MAP3K7: variants seen among roughly 807,000 people sequenced by gnomAD.
MAP3K7 encodes the protein TGF-beta activated kinase 1.
In MAP3K7, 21 loss-of-function variants were observed where a neutral mutation model predicts 84.8. That is an observed-to-expected ratio of 0.25 (90% CI 0.18 to 0.36). The LOEUF (loss-of-function observed/expected upper bound fraction) is 0.36. Among genes scored for constraint, MAP3K7 ranks in the 10% least tolerant of loss-of-function variants. MAP3K7 has a pLI of 1.00. For missense variants in MAP3K7, 503 were observed against 747.7 expected, an observed-to-expected ratio of 0.67 and a Z score of 3.82; for synonymous variants, 241 against 247.7, an observed-to-expected ratio of 0.97 and a Z score of 0.25.
At chr6:90,533,002 T>C (rs1465036581) in intron 13 of MAP3K7, among the ~76,000 whole-genome samples, 4 of 152,300 alleles carry the variant, frequency 2.6e-5, no homozygotes, top group South Asian at 2.1e-4. Flanking sequence ...AACCTGGTTA[T>C]AGGAATTACT....
chr6:90,518,413 G>C, intron 16 of MAP3K7, 34 bp downstream of exon 16: 1 of 1,103,472 alleles, frequency 9.1e-7, no homozygotes, highest in East Asian at 2.6e-5. Flanking sequence ...AAATACTAAT[G>C]TATTTTTATT....
chr6:90,560,012 C>T (rs765379108), intron 5 of MAP3K7, 64 bp downstream of exon 5: 106 of 1,579,922 alleles, frequency 6.7e-5, no homozygotes, highest in Non-Finnish European at 7.9e-5. Flanking sequence ...AGAGTGGGTT[C>T]GGGGTGGTGA....
intron 1 of MAP3K7, among the ~76,000 whole-genome samples, chr6:90,572,971 C>A (rs1444598250): frequency 6.6e-6 from 1 of 152,112 alleles, no homozygotes; most frequent in Non-Finnish European, 1.5e-5. Flanking sequence ...GTATCAAGGC[C>A]TTTTTCTTTA....
intron 1 of MAP3K7, among the ~76,000 whole-genome samples, chr6:90,582,990 C>T (rs550639646): frequency 6.7e-6 from 1 of 148,902 alleles, no homozygotes; most frequent in African/African-American, 2.5e-5. Flanking sequence ...TCAAACGATT[C>T]TCATGCCTCA....
chr6:90,568,482 A>G (rs756057510), intron 3 of MAP3K7, 76 bp downstream of exon 3: 45 of 1,280,222 alleles, frequency 3.5e-5, no homozygotes, highest in Admixed American at 1.3e-4. Context: ...AAAACCCAAA[A>G]ATAGCTACAT....
chr6:90,559,411 G>C (rs1388418739), intron 5 of MAP3K7, among the ~76,000 whole-genome samples: 1 of 151,864 alleles, frequency 6.6e-6, no homozygotes, highest in African/African-American at 2.4e-5. Flanking sequence ...GATACGTGGA[G>C]ACTATTTTTA....
chr6:90,561,687 GA>G lies in MAP3K7; in HGVS notation c.298-21del, dbSNP rs1776520161. 2.5e-6 allele frequency: 4 copies of G among 1,595,732 alleles called. No homozygotes were observed. In the South Asian group the frequency reaches 4.4e-5, roughly 18 times the overall value. Reference sequence around the variant, plus strand: ...ACACACCTAAAGGAAACATATATCAGAAGCATTAACCAAGAAGCTCCATCAT... The same window carrying G: ...ACACACCTAAAGGAAACATATATCAGAGCATTAACCAAGAAGCTCCATCAT... On this transcript the variant is annotated intron_variant, in intron 3 of 16. Coordinates refer to ENST00000369329, the MANE Select transcript of MAP3K7 (RefSeq NM_145331.3).
At chr6:90,520,953 T>G (rs1236466075) in intron 14 of MAP3K7, among the ~76,000 whole-genome samples, 1 of 152,142 alleles carries the variant, frequency 6.6e-6, no homozygotes, top group African/African-American at 2.4e-5. Flanking sequence ...CTTAAATCAC[T>G]GATACATTAT....
Position 90,518,501 on chromosome 6 carries a change from A to G in MAP3K7, c.1586T>C (p.Met529Thr). The G allele has an allele frequency of 6.2e-7, 1 of 1,609,436 alleles. No homozygotes were observed. Among genetic ancestry groups the G allele is most frequent in the Non-Finnish European group, 8.5e-7 (1 of 1,177,248 alleles). ...SMAVFEQHCK[M>T]AQEYMKVQTE... Reference sequence around the variant, plus strand: ...TTGAACTTTCATATATTCTTGTGCCATTTTACAATGCTGTTCAAACACTGC... The same window carrying G: ...TTGAACTTTCATATATTCTTGTGCCGTTTTACAATGCTGTTCAAACACTGC... The change falls in exon 16 of 17, where the codon ATG (methionine) becomes ACG (threonine). Residue 529 changes from methionine (M) to threonine (T), a missense_variant. This residue lies in a region of MAP3K7 where 36 missense variants were observed against 74.5 expected (regional missense o/e 0.48). Transcript: ENST00000369329.
chr6:90,560,011 T>G, intron 5 of MAP3K7, 65 bp downstream of exon 5: 1 of 1,579,792 alleles, frequency 6.3e-7, no homozygotes, highest in Non-Finnish European at 8.7e-7. Context: ...GAGAGTGGGT[T>G]CGGGGTGGTG....
At chr6:90,526,266 CT>C (rs1337517145) in intron 13 of MAP3K7, among the ~76,000 whole-genome samples, 1 of 152,160 alleles carries the variant, frequency 6.6e-6, no homozygotes, top group African/African-American at 2.4e-5. Flanking sequence ...ACATAAGTGA[CT>C]TTACGCCTAG....
Position 90,519,269 on chromosome 6 carries a change from G to T in MAP3K7, c.1513C>A (p.His505Asn). The change falls in exon 15 of 17, where the codon CAC becomes AAC. Residue 505 changes from histidine (H) to asparagine (N), a missense_variant. Physicochemically the swap from His to Asn is moderately conservative, Grantham distance 68 (BLOSUM62 1). Transcript: ENST00000369329. ...AAGTACTCCTTTACCTGTAGTTGGTGATCCAGTGTAAGATAAGCCATTGGG... is the reference window on the plus strand; with the variant it reads ...AAGTACTCCTTTACCTGTAGTTGGTTATCCAGTGTAAGATAAGCCATTGGG... ...SIPMAYLTLD[H>N]QLQPLAPCPN... 6.3e-7 allele frequency: 1 copy of T among 1,590,452 alleles called. No individual in the cohort carries two copies. Among genetic ancestry groups the T allele is most frequent in the Non-Finnish European group, 8.6e-7 (1 of 1,168,820 alleles).
At chr6:90,543,460 T>C (rs1002595465) in intron 12 of MAP3K7, among the ~76,000 whole-genome samples, 4 of 152,086 alleles carry the variant, frequency 2.6e-5, no homozygotes, top group African/African-American at 7.2e-5. Flanking sequence ...TTAAACACTA[T>C]GTTAATATGC....
intron 12 of MAP3K7, among the ~76,000 whole-genome samples, chr6:90,540,594 T>A (rs954574861): frequency 6.6e-6 from 1 of 151,982 alleles, no homozygotes. Flanking sequence ...TTAAATCTTT[T>A]ATAGGTGGTA....
At chr6:90,554,676 G>C (rs1244720121) in intron 6 of MAP3K7, among the ~76,000 whole-genome samples, 1 of 152,058 alleles carries the variant, frequency 6.6e-6, no homozygotes, top group Non-Finnish European at 1.5e-5. Flanking sequence ...GGGTTGTCTA[G>C]AGCAATAAAA....
At chr6:90,537,171 A>C (rs1582180982) in intron 12 of MAP3K7, 1 of 152,138 alleles carries the variant, frequency 6.6e-6, no homozygotes, top group East Asian at 1.9e-4. Flanking sequence ...TTTGGGAATA[A>C]AGCTGTTTAT....
chr6:90,550,552 A>G lies in MAP3K7; in HGVS notation c.868-3T>C, dbSNP rs144283503. The G allele has an allele frequency of 2.2e-4, 353 of 1,585,318 alleles. 1 individual carries two copies. In the African/African-American group the frequency reaches 4.1e-3, roughly 18 times the overall value. Reference sequence around the variant, plus strand: ...GGCTCATCTGCTCCTGGAAAGTACTATATATAAAAAAGTAAACCACAGCTT... The same window carrying G: ...GGCTCATCTGCTCCTGGAAAGTACTGTATATAAAAAAGTAAACCACAGCTT... On this transcript the variant is annotated splice_region_variant and splice_polypyrimidine_tract_variant and intron_variant, in intron 8 of 16. Coordinates refer to ENST00000369329, the MANE Select transcript of MAP3K7 (RefSeq NM_145331.3).
chr6:90,535,110 TTA>T (rs201111401), intron 13 of MAP3K7, among the ~76,000 whole-genome samples: 2,214 of 152,172 alleles, frequency 0.015, 21 homozygotes, highest in Admixed American at 0.021. Context: ...TAGATTTTAT[TTA>T]TATATGTGTT....
intron 12 of MAP3K7, among the ~76,000 whole-genome samples, chr6:90,537,841 A>C (rs1277457686): frequency 1.3e-5 from 2 of 151,980 alleles, no homozygotes; most frequent in African/African-American, 2.4e-5. Flanking sequence ...CAACACATTC[A>C]TTCTAAAATT....
Sources: allele counts gnomAD v4.1 joint callset (sites outside exome capture counted in the v4.1 genomes callset), GRCh38; gene constraint gnomAD v4.1.1; regional missense constraint gnomAD v4.1.1; transcripts MANE v1.5; gene names NCBI Gene and HGNC (gene_info 2026-07-23, HGNC 2026-07-21).